The following DLC1 variants were observed in gnomAD, a reference collection of about 807,000 sequenced individuals.
DLC1 encodes the protein rho GTPase-activating protein 7.
Under a neutral mutation model 140.3 loss-of-function variants are expected in DLC1, and 54 were observed. That is an observed-to-expected ratio of 0.38 (90% CI 0.31 to 0.48). The LOEUF (loss-of-function observed/expected upper bound fraction) is 0.48, where lower values mean the gene tolerates loss of function less well. DLC1 is among the 20% of genes least tolerant of loss of function. The pLI, the probability that DLC1 is intolerant of heterozygous loss-of-function variation, is 0.96. For missense variants in DLC1, 2,536 were observed against 1,907.0 expected (o/e 1.33, Z -6.14); for synonymous variants, 986 against 728.1 (o/e 1.35, Z -5.70).
In DLC1 at chr8:13,098,420, G is replaced by C. The variant is rs762420787; in HGVS notation, c.3146C>G (p.Ser1049Cys). The stretch of plus-strand genomic sequence containing the variant: ...TTACCAGCTAAAACCATGCTTGTTA[G>C]AAGGTGTGTATTTCTCCAGCAGGGC... ...LTALLEKYTPSNKHGFSWAVP... is the reference protein window; with the variant it reads ...LTALLEKYTPCNKHGFSWAVP... The change falls in exon 10 of 18, where the codon TCT (serine) becomes TGT (cysteine). Residue 1049 changes from serine to cysteine, a missense_variant. Transcript: ENST00000276297. 6 of 1,614,026 alleles carry C rather than the reference G, an allele frequency of 3.7e-6. No individual in the cohort carries two copies. In the African/African-American group the frequency reaches 8.0e-5, roughly 22 times the overall value.
chr8:13,385,721 A>G (rs1002021345), intron 4 of DLC1, among the ~76,000 whole-genome samples: 11 of 152,184 alleles, frequency 7.2e-5, no homozygotes, highest in African/African-American at 2.4e-4. Context: ...TCAGCTCAAA[A>G]CTATAGTCAA....
chr8:13,539,033 A>G (rs553585831), intron 1 of DLC1, among the ~76,000 whole-genome samples: 27 of 152,316 alleles, frequency 1.8e-4, no homozygotes, highest in African/African-American at 4.8e-4. Context: ...ATCTTCATAG[A>G]TAAGACTGAA....
chr8:13,360,969 G>A (rs1281486116), intron 4 of DLC1, among the ~76,000 whole-genome samples: 1 of 151,556 alleles, frequency 6.6e-6, no homozygotes. Flanking sequence ...AGCGGCTCAT[G>A]CCTGCGATCT....
chr8:13,120,356 A>AAAAAAAAAATATAT, intron 5 of DLC1, among the ~76,000 whole-genome samples: 9 of 61,120 alleles, frequency 1.5e-4, no homozygotes, highest in Non-Finnish European at 3.4e-4. Flanking sequence ...AAAAAAAAAA[A>AAAAAAAAAATATAT]ATATATATAT....
chr8:13,315,874 G>A (rs1832843371), intron 4 of DLC1, among the ~76,000 whole-genome samples: 3 of 152,156 alleles, frequency 2.0e-5, no homozygotes, highest in Non-Finnish European at 4.4e-5. Flanking sequence ...GTTATTAATA[G>A]TTACATTAAA....
intron 4 of DLC1, among the ~76,000 whole-genome samples, chr8:13,355,865 A>G (rs1431660287): frequency 1.3e-5 from 2 of 151,870 alleles, no homozygotes; most frequent in Non-Finnish European, 2.9e-5. Flanking sequence ...TGGGCAGATC[A>G]TGAGGTCAGG....
intron 2 of DLC1, among the ~76,000 whole-genome samples, chr8:13,491,930 C>T (rs957528614): frequency 6.6e-6 from 1 of 152,208 alleles, no homozygotes; most frequent in Non-Finnish European, 1.5e-5. Flanking sequence ...GTTCTAAGCA[C>T]TGCGGACACA....
chr8:13,536,466 A>G (rs149418746), intron 1 of DLC1, among the ~76,000 whole-genome samples: 42 of 152,344 alleles, frequency 2.8e-4, no homozygotes, highest in African/African-American at 1.0e-3. Context: ...AATGAAAGTC[A>G]TAAGAAACAA....
chr8:13,353,785 A>T (rs911217010), intron 4 of DLC1, among the ~76,000 whole-genome samples: 7 of 150,744 alleles, frequency 4.6e-5, no homozygotes, highest in African/African-American at 1.7e-4. Context: ...TGAACCCGGG[A>T]GGCAGAGGTT....
chr8:13,191,935 T>TATTATC (rs1429273391), intron 5 of DLC1, among the ~76,000 whole-genome samples: 1 of 148,260 alleles, frequency 6.7e-6, no homozygotes, highest in East Asian at 2.0e-4. Context: ...TGATTATTAT[T>TATTATC]ATTATTATTA....
At chr8:13,265,293 A>G (rs534488674) in intron 5 of DLC1, among the ~76,000 whole-genome samples, 37 of 152,228 alleles carry the variant, frequency 2.4e-4, no homozygotes, top group Non-Finnish European at 4.7e-4. Flanking sequence ...CAAATTATAC[A>G]TTATGAGCTG....
intron 2 of DLC1, among the ~76,000 whole-genome samples, chr8:13,414,959 C>T (rs1266248892): frequency 6.6e-6 from 1 of 151,956 alleles, no homozygotes; most frequent in Admixed American, 6.6e-5. Flanking sequence ...TACAGGCGTG[C>T]GCCACCATGC....
In DLC1 at chr8:13,441,621, G is replaced by A. The variant is rs1217644531; in HGVS notation, c.1024-40002C>T. The stretch of plus-strand genomic sequence containing the variant: ...ACTCCCATTCACAATTGCTTCAAAG[G>A]GAATAAAATACCTAGGAATCCAACT... On this transcript the variant is annotated intron_variant, in intron 2 of 17. Transcript: ENST00000276297. 4.6e-5 allele frequency among the ~76,000 whole-genome samples: 7 copies of A among 151,856 alleles called. No individual in the cohort carries two copies. In the East Asian group the frequency reaches 7.7e-4, roughly 17 times the overall value.
intron 1 of DLC1, chr8:13,567,798 T>G (rs1804504591): frequency 9.7e-6 from 15 of 1,551,702 alleles, no homozygotes; most frequent in African/African-American, 1.4e-5. Flanking sequence ...CTGAGAAAAG[T>G]CATATCAGAT....
chr8:13,174,571 A>C (rs1224031016), intron 5 of DLC1, among the ~76,000 whole-genome samples: 1 of 152,168 alleles, frequency 6.6e-6, no homozygotes, highest in East Asian at 1.9e-4. Context: ...GACTGCTGTG[A>C]GATGGTATCT....
In DLC1 at chr8:13,243,804, C is replaced by T. The variant is rs185553443; in HGVS notation, c.1348+61465G>A. 2.2e-3 allele frequency among the ~76,000 whole-genome samples: 329 copies of T among 152,344 alleles called. 3 individuals are homozygous for T. Among genetic ancestry groups the T allele is most frequent in the African/African-American group, 7.4e-3 (306 of 41,574 alleles). On this transcript the variant is annotated intron_variant, in intron 5 of 17. Transcript: ENST00000276297. The stretch of plus-strand genomic sequence containing the variant: ...TTCCAAGGGCCAAAAGAGCTGCTCT[C>T]TGTCTTTCCATGTATTCTTGGACAA...
chr8:13,578,412 G>A (rs530348732), intron 1 of DLC1, among the ~76,000 whole-genome samples: 46 of 152,096 alleles, frequency 3.0e-4, no homozygotes, highest in Non-Finnish European at 5.3e-4. Context: ...GCTACACCAA[G>A]CAATTCTGCA....
At chr8:13,391,772 A>T (rs74867359) in intron 4 of DLC1, among the ~76,000 whole-genome samples, 1 of 152,184 alleles carries the variant, frequency 6.6e-6, no homozygotes, top group African/African-American at 2.4e-5. Flanking sequence ...CAAGAGAGAA[A>T]GTGGATACCA....
intron 5 of DLC1, among the ~76,000 whole-genome samples, chr8:13,121,676 G>C (rs943279170): frequency 2.6e-5 from 4 of 152,002 alleles, no homozygotes; most frequent in Non-Finnish European, 5.9e-5. Context: ...AGCCTCCTGA[G>C]TAGCTGGGAC....
Sources: gnomAD v4.1 joint callset for allele counts (sites outside exome capture counted in the v4.1 genomes callset) on GRCh38, gnomAD v4.1.1 for gene constraint, MANE v1.5 for transcripts, NCBI Gene and HGNC (gene_info 2026-07-23, HGNC 2026-07-21) for gene names.